SLC35F6: variants seen among roughly 807,000 people sequenced by gnomAD.
SLC35F6 encodes solute carrier family 35 member F6.
In SLC35F6, 26 loss-of-function variants were observed where a neutral mutation model predicts 29.4. The observed-to-expected ratio is 0.89, with a 90% CI of 0.65 to 1.23. The LOEUF is 1.23. SLC35F6 is among the 50% of genes most tolerant of loss of function. The pLI, the probability that SLC35F6 is intolerant of heterozygous loss-of-function variation, is 0.00. For synonymous variants in SLC35F6, 174 were observed against 206.6 expected (o/e 0.84, Z 1.35); for missense variants, 428 against 487.8 (o/e 0.88, Z 1.15).
In SLC35F6 at chr2:26,776,504, T is replaced by A. The variant is rs58024954; in HGVS notation, c.646+22T>A. 7,992 of 1,607,396 alleles carry A rather than the reference T, an allele frequency of 5.0e-3. 368 individuals are homozygous for A. The African/African-American group carries it at 0.095, about 19-fold the overall frequency. The stretch of plus-strand genomic sequence containing the variant: ...GAGGGTGTGTGTGGGCACAGGGGCC[T>A]GGAAGGAGTGGGGTAGAAGGGAGCC... On this transcript the variant is annotated intron_variant, in intron 5 of 5. Transcript: ENST00000344420.
At chr2:26,768,685 C>G (rs1156452642) in intron 1 of SLC35F6, among the ~76,000 whole-genome samples, 2 of 142,570 alleles carry the variant, frequency 1.4e-5, no homozygotes, top group East Asian at 2.0e-4. Context: ...AAGACACGGT[C>G]TCTCTCTGTT....
intron 5 of SLC35F6, among the ~76,000 whole-genome samples, chr2:26,777,543 C>T (rs1048944713): frequency 1.3e-5 from 2 of 152,176 alleles, no homozygotes; most frequent in African/African-American, 4.8e-5. Context: ...CTAGCAAGAC[C>T]TTAATGAGTG....
At chr2:26,769,976 C>T (rs1664164519) in intron 1 of SLC35F6, among the ~76,000 whole-genome samples, 2 of 152,152 alleles carry the variant, frequency 1.3e-5, no homozygotes, top group African/African-American at 4.8e-5. Context: ...TGTATTCTGC[C>T]TTTTCTGAGT....
Position 26,775,287 on chromosome 2 carries a change from C to G in SLC35F6, c.322+72C>G. On this transcript the variant is annotated intron_variant, in intron 3 of 5. Transcript: ENST00000344420. The surrounding 1 kb of genome is among the most constrained non-coding windows in gnomAD (Gnocchi z 4.6). Reference sequence around the variant, plus strand: ...TGAAGGGGCTACTGGTGAAACAGCCCTATCCCACCCACCTCCACTTCATCC... The same window carrying G: ...TGAAGGGGCTACTGGTGAAACAGCCGTATCCCACCCACCTCCACTTCATCC... 6.4e-7 allele frequency: 1 copy of G among 1,556,512 alleles called. No homozygotes were observed. Among genetic ancestry groups the G allele is most frequent in the Non-Finnish European group, 8.7e-7 (1 of 1,149,402 alleles).
chr2:26,764,878 G>A, intron 1 of SLC35F6: 1 of 985,412 alleles, frequency 1.0e-6, no homozygotes, highest in Non-Finnish European at 1.2e-6. Context: ...TCAAGGATGA[G>A]GGGTTAGAGC....
In SLC35F6 at chr2:26,775,569, G is replaced by A. The variant is rs1664282665; in HGVS notation, c.428G>A (p.Ser143Asn). ...VAFLGRRLVL[S>N]QWLGILATIA... is the part of the protein sequence containing the mutation. Reference sequence around the variant, plus strand: ...TTCCTGGGCCGGAGGCTGGTGCTGAGCCAGTGGCTGGGCATCCTAGCCACC... The same window carrying A: ...TTCCTGGGCCGGAGGCTGGTGCTGAACCAGTGGCTGGGCATCCTAGCCACC... The change falls in exon 4 of 6, where the codon AGC (serine) becomes AAC (asparagine). Residue 143 changes from serine to asparagine, a missense_variant. Physicochemically the swap from Ser to Asn is conservative, Grantham distance 46. Coordinates refer to ENST00000344420, the MANE Select transcript of SLC35F6 (RefSeq NM_017877.4). The surrounding 1 kb of genome is among the most constrained non-coding windows in gnomAD (Gnocchi z 4.6). The A allele has an allele frequency of 6.2e-7, 1 of 1,609,436 alleles. No individual in the cohort carries two copies. Among genetic ancestry groups the A allele is most frequent in the African/African-American group, 1.3e-5 (1 of 74,902 alleles).
In SLC35F6 at chr2:26,764,355, C is replaced by T. The variant is rs1040512362; in HGVS notation, c.6C>T (p.Ala2=). The part of the protein sequence containing the change: M[A]WTKYQLFLAG... ...GAACCCCAGCGTCCGCCGACATGGCCTGGACCAAGTACCAGCTGTTCCTGG... is the reference window on the plus strand; with the variant it reads ...GAACCCCAGCGTCCGCCGACATGGCTTGGACCAAGTACCAGCTGTTCCTGG... Residue 2 remains alanine, a synonymous_variant, in exon 1 of 6, where the codon GCC becomes GCT. Coordinates refer to ENST00000344420, the MANE Select transcript of SLC35F6 (RefSeq NM_017877.4). The T allele has an allele frequency of 2.9e-5, 45 of 1,550,706 alleles. No homozygotes were observed. Among genetic ancestry groups the T allele is most frequent in the Middle Eastern group, 1.7e-4 (1 of 6,008 alleles).
At chr2:26,774,097 TC>T in intron 1 of SLC35F6, among the ~76,000 whole-genome samples, 153 bp from the exon 2 acceptor site, 1 of 152,210 alleles carries the variant, frequency 6.6e-6, no homozygotes, top group East Asian at 1.9e-4. Context: ...AAGTTAAAAC[TC>T]CTTGAGGTGA....
chr2:26,775,676 G>C lies in SLC35F6; in HGVS notation c.535G>C (p.Gly179Arg). 6.4e-7 allele frequency: 1 copy of C among 1,567,646 alleles called. No homozygotes were observed. ...GCACAAGCTCAGCGAAGTGATCACA[G>C]GTGCGGCCAGGGGCAGGGACACGGG... ...SQHKLSEVIT[G>R]DLLIIMAQII... The change falls in exon 4 of 6, where the codon GGG becomes CGG. Residue 179 changes from glycine (G) to arginine (R), a missense_variant and splice_region_variant. Coordinates refer to ENST00000344420, the MANE Select transcript of SLC35F6 (RefSeq NM_017877.4). The surrounding 1 kb of genome is among the most constrained non-coding windows in gnomAD (Gnocchi z 4.6).
intron 1 of SLC35F6, among the ~76,000 whole-genome samples, chr2:26,766,738 C>G (rs1376738228): frequency 1.3e-5 from 2 of 152,224 alleles, no homozygotes; most frequent in Admixed American, 6.5e-5. Flanking sequence ...TCTGCCCTTT[C>G]ATGTGTGAAC....
intron 1 of SLC35F6, among the ~76,000 whole-genome samples, chr2:26,767,233 C>T (rs1477547771): frequency 3.3e-5 from 5 of 152,182 alleles, no homozygotes; most frequent in East Asian, 1.9e-4. Flanking sequence ...GTGGCATCTG[C>T]GCTCCCAGCC....
At position 26,775,315 on chromosome 2, in the gene SLC35F6, C is replaced by T. The variant is rs1251587835; in HGVS notation, c.322+100C>T. On this transcript the variant is annotated intron_variant, in intron 3 of 5. Transcript: ENST00000344420. The surrounding 1 kb of genome is among the most constrained non-coding windows in gnomAD (Gnocchi z 4.6). ...TCCCACCCACCTCCACTTCATCCCACCATTCCCCCAGACTTCACACGCACA... is the reference window on the plus strand; with the variant it reads ...TCCCACCCACCTCCACTTCATCCCATCATTCCCCCAGACTTCACACGCACA... The T allele has an allele frequency of 3.9e-6, 6 of 1,531,074 alleles. No individual in the cohort carries two copies. Among genetic ancestry groups the T allele is most frequent in the Admixed American group, 2.0e-5 (1 of 50,688 alleles). 94.8% of individuals were successfully genotyped at this position (1,531,074 alleles called of 1,614,324 possible). A position where few individuals can be genotyped will look rare whatever the true frequency, so the allele number is the denominator to read the frequency against.
rs771884982 is a variant in SLC35F6 at position 26,775,071 on chromosome 2, T to A, written c.178T>A (p.Ser60Thr). 2.5e-6 allele frequency: 4 copies of A among 1,614,068 alleles called. No homozygotes were observed. The Admixed American group carries it at 6.7e-5, about 27-fold the overall frequency. ...AGTGGGCATGTTCCTGGGAGAATTC[T>A]CCTGCCTGGCTGCCTTCTACCTCCT... ...QAVGMFLGEF[S>T]CLAAFYLLRC... is the part of the protein sequence containing the mutation. The change falls in exon 3 of 6, where the codon TCC becomes ACC. Residue 60 changes from serine (S) to threonine (T), a missense_variant. Physicochemically the swap from Ser to Thr is moderately conservative, Grantham distance 58. Coordinates refer to ENST00000344420, the MANE Select transcript of SLC35F6 (RefSeq NM_017877.4). The surrounding 1 kb of genome is among the most constrained non-coding windows in gnomAD (Gnocchi z 4.6).
chr2:26,775,249 G>A lies in SLC35F6; in HGVS notation c.322+34G>A, dbSNP rs1326378104. 1 of 1,596,406 alleles carries A rather than the reference G, an allele frequency of 6.3e-7. No homozygotes were observed. Among genetic ancestry groups the A allele is most frequent in the Non-Finnish European group, 8.6e-7 (1 of 1,169,496 alleles). On this transcript the variant is annotated intron_variant, in intron 3 of 5. Coordinates refer to ENST00000344420, the MANE Select transcript of SLC35F6 (RefSeq NM_017877.4). This position sits in a 1 kb window ranked among gnomAD's most constrained non-coding sequence, Gnocchi z 4.6. Reference sequence around the variant, plus strand: ...CCAGGCCAGGCTGAGAAGGGCTCAGGGGAAGCTGTGGCTGAAGGGGCTACT... The same window carrying A: ...CCAGGCCAGGCTGAGAAGGGCTCAGAGGAAGCTGTGGCTGAAGGGGCTACT...
intron 1 of SLC35F6, among the ~76,000 whole-genome samples, chr2:26,768,721 A>G (rs939810617): frequency 3.5e-5 from 5 of 144,890 alleles, no homozygotes; most frequent in African/African-American, 1.3e-4. Context: ...CAATGGTGCC[A>G]TCTAGGCTCA....
Position 26,764,692 on chromosome 2 carries a change from C to G in SLC35F6, c.77+266C>G, listed in dbSNP as rs923461738. The G allele has an allele frequency of 5.6e-6, 4 of 715,110 alleles. No individual in the cohort carries two copies. The East Asian group carries it at 5.3e-4, about 94-fold the overall frequency. 44.3% of individuals were successfully genotyped at this position (715,110 alleles called of 1,614,324 possible). ...CCACGTCTTTTAACAGGAGGGTTGG[C>G]CGATTCCTTTCCACGGCCCTTCCAG... On this transcript the variant is annotated intron_variant, in intron 1 of 5. Transcript: ENST00000344420.
In SLC35F6 at chr2:26,778,795, G is replaced by T; in HGVS notation, c.*284G>T. On this transcript the variant is annotated 3_prime_UTR_variant, in exon 6 of 6. Coordinates refer to ENST00000344420, the MANE Select transcript of SLC35F6 (RefSeq NM_017877.4). ...AGCACTAGAGCTAAATCATGAAGTTGAATTGTAGGAATTTACCACCGTAGT... is the reference window on the plus strand; with the variant it reads ...AGCACTAGAGCTAAATCATGAAGTTTAATTGTAGGAATTTACCACCGTAGT... 1 of 428,614 alleles carries T rather than the reference G, an allele frequency of 2.3e-6. No individual in the cohort carries two copies. The allele number at this position is 428,614 out of a possible 1,614,324, so 26.6% of individuals were successfully genotyped here. A position where few individuals can be genotyped will look rare whatever the true frequency, so the allele number is the denominator to read the frequency against.
At chr2:26,772,178 C>G (rs1415091612) in intron 1 of SLC35F6, among the ~76,000 whole-genome samples, 1 of 152,178 alleles carries the variant, frequency 6.6e-6, no homozygotes, top group Non-Finnish European at 1.5e-5. Flanking sequence ...CAAAGCTGGA[C>G]AGGGACTTTG....
rs150121808 is a variant in SLC35F6, at chr2:26,765,444, C to G, written c.77+1018C>G. On this transcript the variant is annotated intron_variant, in intron 1 of 5. Transcript: ENST00000344420. Reference sequence around the variant, plus strand: ...TGGGCAGGATGGCATTTCTTTGTCTCTCTCTGTCTCCATCTCAGGGCAGGG... The same window carrying G: ...TGGGCAGGATGGCATTTCTTTGTCTGTCTCTGTCTCCATCTCAGGGCAGGG... 2.2e-4 allele frequency among the ~76,000 whole-genome samples: 33 copies of G among 152,324 alleles called. 1 individual carries two copies. The highest frequency in any genetic ancestry group is 6.3e-4 in the African/African-American group (26 of 41,570).
Sources: gnomAD v4.1 joint callset for allele counts (sites outside exome capture counted in the v4.1 genomes callset) on GRCh38, gnomAD v4.1.1 for gene constraint, Gnocchi (gnomAD v3.1) non-coding constraint, MANE v1.5 for transcripts, NCBI Gene and HGNC (gene_info 2026-07-23, HGNC 2026-07-21) for gene names.